Variants in DDC observed in about 807,000 individuals in gnomAD.
DDC encodes the protein dopa decarboxylase, also known as aromatic-L-amino-acid decarboxylase.
A neutral mutation model predicts 60.0 loss-of-function variants in DDC; 43 were observed. The ratio of observed to expected loss-of-function variants is 0.72; its 90% CI spans 0.56 to 0.92. The LOEUF is 0.92. DDC is among the 40% of genes least tolerant of loss of function. The probability of loss-of-function intolerance (pLI) is 0.00; values close to 1 mark genes in which losing one functional copy is unlikely to be tolerated. For synonymous variants in DDC, 232 were observed against 234.6 expected (o/e 0.99, Z 0.10); for missense variants, 573 against 620.2 (o/e 0.92, Z 0.81).
intron 11 of DDC, among the ~76,000 whole-genome samples, 180 bp from the exon 12 acceptor site, chr7:50,470,351 T>C (rs565401650): frequency 2.7e-4 from 41 of 152,332 alleles, no homozygotes; most frequent in African/African-American, 9.9e-4. Flanking sequence ...AGAGGCTTTC[T>C]TTGCAAATCT....
At chr7:50,490,243 G>A (rs988226963) in intron 9 of DDC, among the ~76,000 whole-genome samples, 1 of 152,238 alleles carries the variant, frequency 6.6e-6, no homozygotes. Flanking sequence ...CCTATGGTAA[G>A]TAAAAAATGT....
At chr7:50,511,087 AAT>A (rs1303494574) in intron 6 of DDC, among the ~76,000 whole-genome samples, 6 of 148,610 alleles carry the variant, frequency 4.0e-5, no homozygotes, top group South Asian at 2.1e-4. Context: ...ACACACACAA[AAT>A]AATATATAAT....
At chr7:50,506,608 G>T (rs2043405164) in intron 6 of DDC, among the ~76,000 whole-genome samples, 1 of 152,252 alleles carries the variant, frequency 6.6e-6, no homozygotes. Flanking sequence ...ACCCAAAGGT[G>T]TCACAGCATC....
At chr7:50,555,604 G>A (rs901162924) in intron 1 of DDC, among the ~76,000 whole-genome samples, 2 of 152,082 alleles carry the variant, frequency 1.3e-5, no homozygotes, top group East Asian at 1.9e-4. Context: ...GTAAACCCGG[G>A]TGTTCTTGTT....
intron 1 of DDC, among the ~76,000 whole-genome samples, chr7:50,560,755 G>A (rs919476732): frequency 6.6e-6 from 1 of 152,158 alleles, no homozygotes; most frequent in Admixed American, 6.5e-5. Context: ...TTCTCTGCCT[G>A]ACCTGTTGCT....
intron 8 of DDC, 53 bp from the exon 9 acceptor site, chr7:50,495,470 A>AACAT: frequency 5.2e-6 from 7 of 1,354,166 alleles, no homozygotes; most frequent in South Asian, 1.2e-5. Flanking sequence ...TAAATGTTTA[A>AACAT]TTATAAAGAA....
intron 1 of DDC, among the ~76,000 whole-genome samples, chr7:50,553,685 C>A (rs1315381594): frequency 6.6e-6 from 1 of 151,826 alleles, no homozygotes; most frequent in African/African-American, 2.4e-5. Context: ...TGGGGTTTTA[C>A]CTTATTGGTC....
At chr7:50,533,973 G>C (rs907749488) in intron 4 of DDC, among the ~76,000 whole-genome samples, 1 of 152,228 alleles carries the variant, frequency 6.6e-6, no homozygotes, top group Non-Finnish European at 1.5e-5. Context: ...GGCTCTAGTG[G>C]CCAGAGAGCA....
intron 6 of DDC, among the ~76,000 whole-genome samples, chr7:50,510,437 G>A (rs1346404177): frequency 6.6e-6 from 1 of 152,114 alleles, no homozygotes; most frequent in Non-Finnish European, 1.5e-5. Flanking sequence ...GGGAGGCCAA[G>A]GCTGGCAGAT....
intron 9 of DDC, among the ~76,000 whole-genome samples, chr7:50,488,325 A>G (rs2042929319): frequency 2.0e-5 from 3 of 152,152 alleles, no homozygotes; most frequent in Middle Eastern, 7.0e-3. Flanking sequence ...TTCTTATTAA[A>G]AAGAAATAAT....
intron 14 of DDC, among the ~76,000 whole-genome samples, chr7:50,459,421 G>A (rs1036161059): frequency 6.0e-5 from 9 of 150,158 alleles, no homozygotes; most frequent in African/African-American, 2.0e-4. Context: ...GCCGCCCATC[G>A]TCTGGGACGT....
At chr7:50,471,661 G>T (rs903498517) in intron 11 of DDC, among the ~76,000 whole-genome samples, 1 of 152,184 alleles carries the variant, frequency 6.6e-6, no homozygotes, top group Non-Finnish European at 1.5e-5. Context: ...GCAAAAGCAG[G>T]TATGGAGAGT....
chr7:50,476,334 A>C (rs1472704602), intron 11 of DDC, among the ~76,000 whole-genome samples: 1 of 152,206 alleles, frequency 6.6e-6, no homozygotes, highest in Non-Finnish European at 1.5e-5. Flanking sequence ...CCAGGGCAGA[A>C]GGGCCTTTTC....
intron 1 of DDC, among the ~76,000 whole-genome samples, chr7:50,555,238 CG>C (rs140950607): frequency 0.074 from 11,309 of 152,078 alleles, 1,132 homozygotes; most frequent in African/African-American, 0.23. Context: ...TACCACAATC[CG>C]GGTGTCCTGG....
At chr7:50,560,518 G>C (rs1201571460) in intron 1 of DDC, among the ~76,000 whole-genome samples, 1 of 152,090 alleles carries the variant, frequency 6.6e-6, no homozygotes, top group East Asian at 1.9e-4. Context: ...CTGTTAATTA[G>C]CTCCTCTCCT....
chr7:50,525,766 A>AAAAAT (rs1042676250), intron 6 of DDC, among the ~76,000 whole-genome samples: 12 of 152,118 alleles, frequency 7.9e-5, no homozygotes, highest in Middle Eastern at 6.8e-3. Flanking sequence ...TCTGTCTCAA[A>AAAAAT]AAAATAAAAT....
chr7:50,529,710 C>T (rs945055922), intron 4 of DDC, among the ~76,000 whole-genome samples: 10 of 152,214 alleles, frequency 6.6e-5, no homozygotes, highest in African/African-American at 2.2e-4. Context: ...GCATGCAAGC[C>T]TGACTCTGCG....
intron 10 of DDC, among the ~76,000 whole-genome samples, chr7:50,478,086 G>A (rs111790043): frequency 0.067 from 10,154 of 151,758 alleles, 819 homozygotes; most frequent in African/African-American, 0.2. Flanking sequence ...TGTGCTGTAC[G>A]TCTGTGGTCC....
intron 6 of DDC, among the ~76,000 whole-genome samples, chr7:50,523,491 A>G (rs537629108): frequency 2.6e-5 from 4 of 152,346 alleles, no homozygotes; most frequent in South Asian, 2.1e-4. Context: ...AAACAATCCA[A>G]TTAAAAAGTG....
Sources: allele counts gnomAD v4.1 joint callset (sites outside exome capture counted in the v4.1 genomes callset), GRCh38; gene constraint gnomAD v4.1.1; transcripts MANE v1.5; gene names NCBI Gene and HGNC (gene_info 2026-07-23, HGNC 2026-07-21).